Variants in UBE4A observed in about 807,000 individuals in gnomAD.
UBE4A encodes ubiquitination factor E4A, also known as ubiquitin conjugation factor E4 A.
Under a neutral mutation model 117.9 loss-of-function variants are expected in UBE4A, and 48 were observed. The observed-to-expected ratio is 0.41, with a 90% CI of 0.32 to 0.52. The LOEUF (loss-of-function observed/expected upper bound fraction) is 0.52, where lower values mean the gene tolerates loss of function less well. Ranked by LOEUF, UBE4A falls within the 20% of genes least tolerant of loss-of-function variation. The pLI is 0.33. For missense variants in UBE4A, 1,067 were observed against 1,296.3 expected, an observed-to-expected ratio of 0.82 and a Z score of 2.72; for synonymous variants, 407 against 450.0, an observed-to-expected ratio of 0.90 and a Z score of 1.21.
At position 118,364,314 on chromosome 11, in the gene UBE4A, G is replaced by A. The variant is rs75947024; in HGVS notation, c.-41-726G>A. 4.1e-3 allele frequency among the ~76,000 whole-genome samples: 630 copies of A among 152,144 alleles called. 7 individuals are homozygous for A. Among genetic ancestry groups the A allele is most frequent in the African/African-American group, 0.015 (612 of 41,538 alleles). ...TTCATATTACACAGTAGACCTGACC[G>A]TTGGAATTCGTGTTTCTTCAGTATT... On this transcript the variant is annotated intron_variant, in intron 1 of 19. Transcript: ENST00000252108.
At chr11:118,378,477 C>T (rs553377178) in intron 10 of UBE4A, 1 of 152,214 alleles carries the variant, frequency 6.6e-6, no homozygotes, top group East Asian at 1.9e-4. Context: ...ATTTGTTTTC[C>T]TCTGATTTAG....
intron 16 of UBE4A, among the ~76,000 whole-genome samples, chr11:118,389,028 G>A (rs782477378): frequency 1.7e-4 from 26 of 152,064 alleles, no homozygotes; most frequent in Admixed American, 1.4e-3. Flanking sequence ...AGTGGCTCAC[G>A]CCTGTAATCC....
chr11:118,374,430 A>G (rs1248197096), intron 8 of UBE4A, among the ~76,000 whole-genome samples: 1 of 152,252 alleles, frequency 6.6e-6, no homozygotes, highest in Non-Finnish European at 1.5e-5. Flanking sequence ...TCCCCTAATC[A>G]TTAATCATTA....
At chr11:118,375,258 G>C (rs1555125201) in intron 9 of UBE4A, 29 bp downstream of exon 9, 4 of 812,954 alleles carry the variant, frequency 4.9e-6, no homozygotes, top group Non-Finnish European at 6.9e-6. Flanking sequence ...TCTCAAAACT[G>C]TGTGTGTGTG....
chr11:118,389,651 C>T, intron 16 of UBE4A, 74 bp from the exon 17 acceptor site: 3 of 1,347,740 alleles, frequency 2.2e-6, no homozygotes, highest in Non-Finnish European at 2.9e-6. Flanking sequence ...CCAGAGGTCT[C>T]CAAATAAACT....
rs938343839 is a variant in UBE4A at position 118,382,676 on chromosome 11, A to G, written c.2097A>G (p.Val699=). ...TGGATCAGACCCCAAATCCCTTGGT[A>G]TCCAGTGTGTTCCACCGGAAACGTG... The part of the protein sequence containing the change: ...PHLDQTPNPL[V]SSVFHRKRVF... The change falls in exon 13 of 20, where the codon GTA becomes GTG. Residue 699 remains valine (V), a synonymous_variant. Coordinates refer to ENST00000252108, the MANE Select transcript of UBE4A (RefSeq NM_001204077.2). 8 of 1,606,146 alleles carry G rather than the reference A, an allele frequency of 5.0e-6. No individual in the cohort carries two copies. In the African/African-American group the frequency reaches 6.7e-5, roughly 13 times the overall value.
intron 2 of UBE4A, among the ~76,000 whole-genome samples, chr11:118,367,501 T>G (rs1277981800): frequency 1.3e-5 from 2 of 151,248 alleles, no homozygotes; most frequent in Admixed American, 6.6e-5. Flanking sequence ...TGAGGGTAAC[T>G]TGGTAGTAAA....
At chr11:118,377,970 G>A (rs930643282) in intron 10 of UBE4A, among the ~76,000 whole-genome samples, 8 of 151,398 alleles carry the variant, frequency 5.3e-5, no homozygotes, top group Admixed American at 2.6e-4. Context: ...AAGTTCAGCC[G>A]GGCGCAGTGG....
In UBE4A at chr11:118,368,751, A is replaced by C. The variant is rs774238513; in HGVS notation, c.242A>C (p.Gln81Pro). ...CGATCACAGCAGGAAATATGTGAGCAACTCAACATCAATCACATGATCCAA... is the reference window on the plus strand; with the variant it reads ...CGATCACAGCAGGAAATATGTGAGCCACTCAACATCAATCACATGATCCAA... ...SFRSQQEICE[Q>P]LNINHMIQRI... Residue 81 changes from glutamine (Q) to proline (P), a missense_variant, in exon 3 of 20, where the codon CAA becomes CCA. Around this residue, in one of 3 missense-constraint regions of UBE4A, gnomAD observed 1,001 missense variants for 1,184.0 expected, o/e 0.85. Transcript: ENST00000252108. The C allele has an allele frequency of 1.1e-5, 17 of 1,614,114 alleles. No homozygotes were observed. Among genetic ancestry groups the C allele is most frequent in the Non-Finnish European group, 2.5e-6 (3 of 1,180,036 alleles).
chr11:118,393,091 C>G (rs147649629), intron 19 of UBE4A, among the ~76,000 whole-genome samples, 196 bp downstream of exon 19: 112 of 152,296 alleles, frequency 7.4e-4, no homozygotes, highest in Admixed American at 1.8e-3. Flanking sequence ...TTGAGAAATG[C>G]TAACTCTAAC....
chr11:118,395,557 A>G (rs1948863199), intron 19 of UBE4A, among the ~76,000 whole-genome samples: 1 of 152,374 alleles, frequency 6.6e-6, no homozygotes, highest in South Asian at 2.1e-4. Flanking sequence ...ATGTACTTGC[A>G]TAACAATCAG....
intron 2 of UBE4A, among the ~76,000 whole-genome samples, chr11:118,366,745 G>T (rs1948566574): frequency 6.6e-6 from 1 of 152,218 alleles, no homozygotes; most frequent in Non-Finnish European, 1.5e-5. Context: ...GGCATATAGT[G>T]AATAACACTA....
intron 10 of UBE4A, among the ~76,000 whole-genome samples, chr11:118,379,187 C>A (rs539920948): frequency 7.2e-5 from 11 of 152,274 alleles, no homozygotes; most frequent in Admixed American, 2.6e-4. Flanking sequence ...AACCAAGCTG[C>A]CTTTCTTTGG....
chr11:118,388,636 G>A (rs918873546), intron 16 of UBE4A, among the ~76,000 whole-genome samples: 16 of 146,828 alleles, frequency 1.1e-4, no homozygotes, highest in Admixed American at 3.4e-4. Flanking sequence ...GCAACAGAAT[G>A]AGACTCTATC....
In UBE4A at chr11:118,390,730, G is replaced by A; in HGVS notation, c.2842G>A (p.Val948Ile). The change falls in exon 18 of 20, where the codon GTT becomes ATT. Residue 948 changes from valine to isoleucine, a missense_variant. Physicochemically the swap from Val to Ile is conservative, Grantham distance 29. Coordinates refer to ENST00000252108, the MANE Select transcript of UBE4A (RefSeq NM_001204077.2). ...TTCCCCAACTCTCTTTGCACAGACAGTTCGAGTCTTGAAGAAAATAAATAA... is the reference window on the plus strand; with the variant it reads ...TTCCCCAACTCTCTTTGCACAGACAATTCGAGTCTTGAAGAAAATAAATAA... ...SYSPTLFAQTVRVLKKINKPG... is the reference protein window; with the variant it reads ...SYSPTLFAQTIRVLKKINKPG... The A allele has an allele frequency of 6.2e-7, 1 of 1,605,474 alleles. No individual in the cohort carries two copies. The highest frequency in any genetic ancestry group is 8.5e-7 in the Non-Finnish European group (1 of 1,176,026).
At chr11:118,368,858 G>C (rs541559795) in intron 3 of UBE4A, 54 bp downstream of exon 3, 13 of 1,588,500 alleles carry the variant, frequency 8.2e-6, no homozygotes, top group Admixed American at 1.7e-5. Flanking sequence ...GCTTGGGCTA[G>C]GGGCTTGCTC....
intron 10 of UBE4A, 66 bp from the exon 11 acceptor site, chr11:118,379,380 G>T (rs1948679841): frequency 6.7e-7 from 1 of 1,490,892 alleles, no homozygotes; most frequent in South Asian, 1.2e-5. Flanking sequence ...ATAAATAATT[G>T]AGGATTTGTT....
intron 15 of UBE4A, among the ~76,000 whole-genome samples, chr11:118,385,238 A>G (rs1228447024): frequency 6.6e-6 from 1 of 152,210 alleles, no homozygotes; most frequent in Non-Finnish European, 1.5e-5. Context: ...TGGCAGGAGT[A>G]ATTCATCAGG....
chr11:118,382,519 G>A, intron 12 of UBE4A, 70 bp from the exon 13 acceptor site: 1 of 1,277,804 alleles, frequency 7.8e-7, no homozygotes, highest in South Asian at 2.5e-5. Context: ...TGATTCTTAT[G>A]TGGAGAGAAC....
Sources: allele counts gnomAD v4.1 joint callset (sites outside exome capture counted in the v4.1 genomes callset), GRCh38; gene constraint gnomAD v4.1.1; regional missense constraint gnomAD v4.1.1; transcripts MANE v1.5; gene names NCBI Gene and HGNC (gene_info 2026-07-23, HGNC 2026-07-21).